USH2A: variants seen among roughly 807,000 people sequenced by gnomAD.
USH2A encodes Usher syndrome 2A (autosomal recessive, mild).
USH2A carries 443 observed loss-of-function variants against 538.9 expected under a neutral mutation model. The ratio of observed to expected loss-of-function variants is 0.82; its 90% CI spans 0.76 to 0.89. USH2A has a LOEUF of 0.89. USH2A is among the 40% of genes least tolerant of loss of function. The probability of loss-of-function intolerance (pLI) is 0.00; values close to 1 mark genes in which losing one functional copy is unlikely to be tolerated. For missense variants in USH2A, 6,633 were observed against 6,324.8 expected (o/e 1.05, Z -1.65); for synonymous variants, 2,413 against 2,273.5 (o/e 1.06, Z -1.75).
At position 216,286,308 on chromosome 1, in the gene USH2A, C is replaced by T. The variant is rs979402853; in HGVS notation, c.1971+2972G>A. Among the ~76,000 whole-genome samples, 5 of 152,178 alleles carry T rather than the reference C, an allele frequency of 3.3e-5. No individual in the cohort carries two copies. In the East Asian group the frequency reaches 9.6e-4, roughly 29 times the overall value. On this transcript the variant is annotated intron_variant, in intron 11 of 71. Coordinates refer to ENST00000307340, the MANE Select transcript of USH2A (RefSeq NM_206933.4). The stretch of plus-strand genomic sequence containing the variant: ...TGAAATCTGATGGTTTCAAAAGGGG[C>T]TTTCCCTGTTCCTCACTCGGCACTT...
At chr1:215,951,863 T>G (rs1019122695) in intron 37 of USH2A, among the ~76,000 whole-genome samples, 4 of 149,066 alleles carry the variant, frequency 2.7e-5, no homozygotes, top group Non-Finnish European at 6.0e-5. Context: ...ATTTTTTATT[T>G]TTTTTATTTT....
chr1:216,003,853 A>C (rs1488557655), intron 32 of USH2A, among the ~76,000 whole-genome samples: 1 of 152,158 alleles, frequency 6.6e-6, no homozygotes, highest in African/African-American at 2.4e-5. Context: ...AGACGTATAG[A>C]TGGTAGTGAG....
At chr1:215,771,635 A>ACTATATATT (rs1661292307) in intron 55 of USH2A, among the ~76,000 whole-genome samples, 2 of 137,342 alleles carry the variant, frequency 1.5e-5, no homozygotes. Flanking sequence ...TTCAAGTGGG[A>ACTATATATT]CTATATATTT....
At chr1:216,051,667 G>C (rs2030789414) in intron 30 of USH2A, among the ~76,000 whole-genome samples, 1 of 152,204 alleles carries the variant, frequency 6.6e-6, no homozygotes, top group Non-Finnish European at 1.5e-5. Context: ...TATGTGAAAA[G>C]CAGCACCCTT....
intron 55 of USH2A, among the ~76,000 whole-genome samples, chr1:215,773,186 A>C (rs145665203): frequency 1.3e-5 from 2 of 152,170 alleles, no homozygotes; most frequent in Admixed American, 6.5e-5. Flanking sequence ...GGGTGCTTGC[A>C]TGGGTGAATG....
In USH2A at chr1:216,145,120, C is replaced by T. The variant is rs142322148; in HGVS notation, c.4627+30132G>A. ...CCTTCCCTCACCCTACTTTCTCACC[C>T]GCCCCCACAACAATACACCTCTCTC... On this transcript the variant is annotated intron_variant, in intron 21 of 71. Coordinates refer to ENST00000307340, the MANE Select transcript of USH2A (RefSeq NM_206933.4). 2.0e-4 allele frequency among the ~76,000 whole-genome samples: 31 copies of T among 152,268 alleles called. No homozygotes were observed. The East Asian group carries it at 2.3e-3, about 11-fold the overall frequency.
intron 21 of USH2A, among the ~76,000 whole-genome samples, chr1:216,100,585 C>T (rs2102576044): frequency 6.6e-6 from 1 of 152,106 alleles, no homozygotes; most frequent in South Asian, 2.1e-4. Flanking sequence ...CACAAAAATG[C>T]TATAATTTGG....
rs766071413 is a variant in USH2A, at chr1:215,965,323, C to G, written c.7114G>C (p.Asp2372His). Residue 2372 changes from aspartate (D) to histidine (H), a missense_variant, in exon 37 of 72, where the codon GAC (aspartate) becomes CAC (histidine). By Grantham distance (81) the Asp-to-His change is moderately conservative (BLOSUM62 -1). Transcript: ENST00000307340. Reference sequence around the variant, plus strand: ...GAAAATAAAAACAAATTACCTGGGTCTACATAGAATATCCCAGTGAAAAGG... The same window carrying G: ...GAAAATAAAAACAAATTACCTGGGTGTACATAGAATATCCCAGTGAAAAGG... ...SVLFTGIFYV[D>H]PVGNNYTLLN... The G allele has an allele frequency of 6.2e-7, 1 of 1,613,386 alleles. No individual in the cohort carries two copies. Among genetic ancestry groups the G allele is most frequent in the Non-Finnish European group, 8.5e-7 (1 of 1,179,650 alleles).
At chr1:216,337,437 G>A (rs2037995321) in intron 4 of USH2A, among the ~76,000 whole-genome samples, 1 of 151,434 alleles carries the variant, frequency 6.6e-6, no homozygotes, top group South Asian at 2.1e-4. Context: ...TCACTTGGTA[G>A]CATAGGCATG....
chr1:216,411,287 T>C (rs1351274877), intron 3 of USH2A, among the ~76,000 whole-genome samples: 1 of 152,154 alleles, frequency 6.6e-6, no homozygotes, highest in Non-Finnish European at 1.5e-5. Flanking sequence ...ATCAATTCTC[T>C]TTGCCCAGTT....
chr1:216,356,487 T>A (rs2038394090), intron 4 of USH2A, among the ~76,000 whole-genome samples: 1 of 152,106 alleles, frequency 6.6e-6, no homozygotes, highest in Non-Finnish European at 1.5e-5. Flanking sequence ...ATTACTAACA[T>A]TCTGAAGAAC....
intron 37 of USH2A, among the ~76,000 whole-genome samples, chr1:215,940,193 A>G (rs1666600598): frequency 6.6e-6 from 1 of 152,104 alleles, no homozygotes; most frequent in Non-Finnish European, 1.5e-5. Context: ...AAAGGTATTA[A>G]CTAATTTTTC....
chr1:216,400,685 G>T (rs1031610800), intron 3 of USH2A, among the ~76,000 whole-genome samples: 3 of 152,132 alleles, frequency 2.0e-5, no homozygotes, highest in African/African-American at 7.2e-5. Context: ...AACCTTGAAA[G>T]CAGCCAGAGG....
intron 12 of USH2A, 144 bp from the exon 13 acceptor site, chr1:216,247,370 T>C: frequency 1.1e-6 from 1 of 952,288 alleles, no homozygotes; most frequent in South Asian, 1.6e-5. Context: ...GGGCCAATCT[T>C]ACTCTCAAAA....
At chr1:215,938,007 C>A (rs1295652962) in intron 37 of USH2A, among the ~76,000 whole-genome samples, 2 of 151,912 alleles carry the variant, frequency 1.3e-5, no homozygotes, top group Non-Finnish European at 2.9e-5. Context: ...TCATTCTAAG[C>A]TTCCTAGATA....
At chr1:215,789,888 T>C (rs1661931397) in intron 51 of USH2A, among the ~76,000 whole-genome samples, 171 bp downstream of exon 51, 1 of 152,182 alleles carries the variant, frequency 6.6e-6, no homozygotes. Flanking sequence ...TAGAATTCAT[T>C]GCAATAACAT....
chr1:216,382,793 G>A (rs570009750), intron 3 of USH2A, among the ~76,000 whole-genome samples: 1 of 152,066 alleles, frequency 6.6e-6, no homozygotes, highest in Non-Finnish European at 1.5e-5. Context: ...GGGGTAATTG[G>A]AATAAGTTGA....
intron 46 of USH2A, 108 bp from the exon 47 acceptor site, chr1:215,838,211 C>G (rs1243377436): frequency 2.3e-6 from 2 of 887,550 alleles, no homozygotes; most frequent in Admixed American, 1.8e-5. Context: ...TTGTATTTCT[C>G]TATAGCCTCT....
At chr1:216,402,631 T>C (rs939147641) in intron 3 of USH2A, among the ~76,000 whole-genome samples, 8 of 152,306 alleles carry the variant, frequency 5.3e-5, no homozygotes, top group Admixed American at 3.3e-4. Context: ...TTTCTTTCTC[T>C]ATTTAATTAT....
Sources: allele counts gnomAD v4.1 joint callset (sites outside exome capture counted in the v4.1 genomes callset), GRCh38; gene constraint gnomAD v4.1.1; transcripts MANE v1.5; gene names NCBI Gene and HGNC (gene_info 2026-07-23, HGNC 2026-07-21).